The following GRM5 variants were observed in gnomAD, a reference collection of about 807,000 sequenced individuals.
The protein encoded by GRM5 is glutamate metabotropic receptor 5.
GRM5 carries 19 observed loss-of-function variants against 83.1 expected under a neutral mutation model. The observed-to-expected ratio is 0.23, with a 90% CI of 0.16 to 0.34. The LOEUF (loss-of-function observed/expected upper bound fraction) is 0.34, where lower values mean the gene tolerates loss of function less well. Among genes scored for constraint, GRM5 ranks in the 10% least tolerant of loss-of-function variants. The pLI, the probability that GRM5 is intolerant of heterozygous loss-of-function variation, is 1.00. For missense variants in GRM5, 1,160 were observed against 1,588.3 expected (o/e 0.73, Z 4.58); for synonymous variants, 675 against 633.6 (o/e 1.07, Z -0.98).
At chr11:88,901,691 G>A (rs1945317380) in intron 2 of GRM5, among the ~76,000 whole-genome samples, 1 of 152,136 alleles carries the variant, frequency 6.6e-6, no homozygotes, top group South Asian at 2.1e-4. Flanking sequence ...AGTTTAGGAG[G>A]GAGGCCTATC....
chr11:88,956,605 G>C (rs1304148207), intron 2 of GRM5, among the ~76,000 whole-genome samples: 3 of 151,858 alleles, frequency 2.0e-5, no homozygotes, highest in Non-Finnish European at 2.9e-5. Flanking sequence ...AGGAAATCGA[G>C]ACCATCCTGG....
intron 3 of GRM5, among the ~76,000 whole-genome samples, chr11:88,662,109 A>T (rs1320606625): frequency 2.0e-5 from 3 of 152,168 alleles, no homozygotes; most frequent in Non-Finnish European, 4.4e-5. Flanking sequence ...ATATCATAAG[A>T]TAATTTCCAC....
At chr11:88,524,955 T>C (rs1941829971) in intron 9 of GRM5, among the ~76,000 whole-genome samples, 1 of 152,228 alleles carries the variant, frequency 6.6e-6, no homozygotes, top group Non-Finnish European at 1.5e-5. Flanking sequence ...ATTAAGTGAT[T>C]GGATAGCCCT....
At chr11:88,795,872 G>A (rs957404842) in intron 3 of GRM5, among the ~76,000 whole-genome samples, 2 of 152,124 alleles carry the variant, frequency 1.3e-5, no homozygotes, top group African/African-American at 4.8e-5. Flanking sequence ...TATTGTGTAG[G>A]AGAGCCCTGG....
intron 3 of GRM5, among the ~76,000 whole-genome samples, chr11:88,803,971 C>G (rs1281914094): frequency 6.6e-6 from 1 of 151,364 alleles, no homozygotes; most frequent in Non-Finnish European, 1.5e-5. Flanking sequence ...AAATGCAAAT[C>G]AAAACCACAA....
chr11:88,684,564 T>C (rs1479175380), intron 3 of GRM5, among the ~76,000 whole-genome samples: 2 of 152,186 alleles, frequency 1.3e-5, no homozygotes, highest in East Asian at 3.8e-4. Flanking sequence ...GAAGGCATGG[T>C]AGAAACATAA....
At chr11:88,671,557 A>G (rs536967326) in intron 3 of GRM5, among the ~76,000 whole-genome samples, 1 of 152,092 alleles carries the variant, frequency 6.6e-6, no homozygotes, top group South Asian at 2.1e-4. Context: ...AATGAATTGC[A>G]GTTTATTTAT....
intron 3 of GRM5, among the ~76,000 whole-genome samples, chr11:88,804,877 C>G (rs948781159): frequency 6.6e-6 from 1 of 151,924 alleles, no homozygotes; most frequent in Non-Finnish European, 1.5e-5. Context: ...GTACAATGTA[C>G]CTTATTAGGT....
At chr11:88,556,700 T>C (rs1290069403) in intron 8 of GRM5, among the ~76,000 whole-genome samples, 1 of 152,098 alleles carries the variant, frequency 6.6e-6, no homozygotes, top group African/African-American at 2.4e-5. Flanking sequence ...TTGTCCTTAT[T>C]TTCTAGAGGC....
chr11:88,961,007 G>A (rs1026080621), intron 2 of GRM5, among the ~76,000 whole-genome samples: 1 of 152,160 alleles, frequency 6.6e-6, no homozygotes, highest in African/African-American at 2.4e-5. Context: ...CTAATAACTG[G>A]TAGAGTCTGG....
intron 1 of GRM5, among the ~76,000 whole-genome samples, chr11:89,050,189 G>A (rs185943965): frequency 1.2e-4 from 19 of 152,264 alleles, no homozygotes; most frequent in South Asian, 2.1e-4. Context: ...GAAGGTATGC[G>A]AAGTTTGTTA....
chr11:88,721,231 C>T (rs971017889), intron 3 of GRM5, among the ~76,000 whole-genome samples: 1 of 152,058 alleles, frequency 6.6e-6, no homozygotes, highest in Non-Finnish European at 1.5e-5. Flanking sequence ...ATATTTTCAT[C>T]ATGAAAAGAG....
chr11:88,877,578 C>G (rs915057631), intron 2 of GRM5, among the ~76,000 whole-genome samples: 14 of 151,738 alleles, frequency 9.2e-5, no homozygotes, highest in African/African-American at 3.1e-4. Context: ...TTTGGGAGGC[C>G]AAAGCAGATG....
intron 2 of GRM5, among the ~76,000 whole-genome samples, chr11:88,892,080 T>C (rs1945154594): frequency 6.6e-6 from 1 of 151,956 alleles, no homozygotes; most frequent in African/African-American, 2.4e-5. Context: ...ACCTGGTTCC[T>C]CTAGAATTTG....
intron 4 of GRM5, among the ~76,000 whole-genome samples, chr11:88,649,850 A>G (rs7934792): frequency 0.021 from 3,144 of 151,976 alleles, 86 homozygotes; most frequent in East Asian, 0.12. Flanking sequence ...AGATGGGAGC[A>G]TGGAAGTACA....
chr11:88,970,247 CACCT>C (rs1347355357), intron 2 of GRM5, among the ~76,000 whole-genome samples: 1 of 152,060 alleles, frequency 6.6e-6, no homozygotes, highest in Non-Finnish European at 1.5e-5. Flanking sequence ...GCTTTTTTCT[CACCT>C]ACCTAATAGT....
chr11:88,917,089 C>T (rs1052500143), intron 2 of GRM5, among the ~76,000 whole-genome samples: 3 of 152,196 alleles, frequency 2.0e-5, no homozygotes, highest in Admixed American at 2.0e-4. Context: ...CAATGGTAGT[C>T]ACAGGAGGGC....
chr11:88,676,839 C>A (rs1307288496), intron 3 of GRM5, among the ~76,000 whole-genome samples: 1 of 152,002 alleles, frequency 6.6e-6, no homozygotes, highest in African/African-American at 2.4e-5. Context: ...GCACTTACTG[C>A]GTGCAAGGCA....
At chr11:88,680,704 C>A (rs959584668) in intron 3 of GRM5, among the ~76,000 whole-genome samples, 2 of 152,158 alleles carry the variant, frequency 1.3e-5, no homozygotes, top group South Asian at 2.1e-4. Flanking sequence ...GCACTATTCA[C>A]AATAGCAAAG....
Sources: allele counts gnomAD v4.1 joint callset (sites outside exome capture counted in the v4.1 genomes callset), GRCh38; gene constraint gnomAD v4.1.1; transcripts MANE v1.5; gene names NCBI Gene and HGNC (gene_info 2026-07-23, HGNC 2026-07-21).